Variants in TFDP2 observed in about 807,000 individuals in gnomAD.
TFDP2 encodes transcription factor Dp-2.
A neutral mutation model predicts 59.3 loss-of-function variants in TFDP2; 17 were observed. That is an observed-to-expected ratio of 0.29 (90% CI 0.20 to 0.43). TFDP2 has a LOEUF of 0.43. Ranked by LOEUF, TFDP2 falls within the 20% of genes least tolerant of loss-of-function variation. TFDP2 has a pLI of 1.00. For synonymous variants in TFDP2, 180 were observed against 194.7 expected (o/e 0.92, Z 0.63); for missense variants, 391 against 528.8 (o/e 0.74, Z 2.56).
Position 141,946,268 on chromosome 3 carries a change from C to G in TFDP2, c.*6245G>C, listed in dbSNP as rs146142407. 6.6e-6 allele frequency: 1 copy of G among 152,188 alleles called. No individual in the cohort carries two copies. Among genetic ancestry groups the G allele is most frequent in the Admixed American group, 6.6e-5 (1 of 15,264 alleles). The allele number at this position is 152,188 out of a possible 1,614,324, so 9.4% of individuals were successfully genotyped here. On this transcript the variant is annotated 3_prime_UTR_variant, in exon 13 of 13. Coordinates refer to ENST00000489671, the MANE Select transcript of TFDP2 (RefSeq NM_001178139.2). ...TTATCCCCGATCCTGAGACCTGCGG[C>G]GAAGGGGCGAGGCCTGACCCTGAGC...
intron 3 of TFDP2, among the ~76,000 whole-genome samples, chr3:142,081,806 A>C (rs1256393544): frequency 1.3e-5 from 2 of 152,216 alleles, no homozygotes; most frequent in Admixed American, 1.3e-4. Context: ...GAACAGACCA[A>C]TAACAAGTAA....
chr3:141,953,160 C>T, intron 11 of TFDP2, 144 bp from the exon 12 acceptor site: 1 of 495,620 alleles, frequency 2.0e-6, no homozygotes, highest in Non-Finnish European at 3.4e-6. Flanking sequence ...GACAAGAACC[C>T]AGGTTTCTTC....
chr3:141,967,994 G>T (rs762616185), intron 9 of TFDP2, among the ~76,000 whole-genome samples: 7 of 151,700 alleles, frequency 4.6e-5, no homozygotes, highest in Non-Finnish European at 7.4e-5. Context: ...AATGTTCCAT[G>T]GTTTTGAAGA....
chr3:142,102,782 G>A (rs1198961411), intron 1 of TFDP2, among the ~76,000 whole-genome samples: 2 of 152,194 alleles, frequency 1.3e-5, no homozygotes, highest in Non-Finnish European at 2.9e-5. Flanking sequence ...CATGAATTCT[G>A]AGGTACGTTT....
At chr3:142,012,307 C>T (rs60203764) in intron 3 of TFDP2, among the ~76,000 whole-genome samples, 1 of 152,116 alleles carries the variant, frequency 6.6e-6, no homozygotes, top group Non-Finnish European at 1.5e-5. Context: ...CCACCATGCT[C>T]GGCCTATAAT....
chr3:142,118,971 C>G (rs1270990683), intron 1 of TFDP2, among the ~76,000 whole-genome samples: 1 of 152,050 alleles, frequency 6.6e-6, no homozygotes, highest in East Asian at 1.9e-4. Context: ...CACCAGCTGA[C>G]CAACATGGTG....
chr3:142,050,140 G>A (rs557016852), intron 3 of TFDP2, among the ~76,000 whole-genome samples: 31 of 151,794 alleles, frequency 2.0e-4, no homozygotes, highest in East Asian at 1.7e-3. Flanking sequence ...GGTGGCAAGC[G>A]TCTGTAATCC....
At chr3:142,129,515 C>T (rs759682545) in intron 1 of TFDP2, among the ~76,000 whole-genome samples, 47 of 152,052 alleles carry the variant, frequency 3.1e-4, no homozygotes, top group Non-Finnish European at 6.3e-4. Flanking sequence ...AGTAAAAATG[C>T]TCCCACTGAA....
chr3:142,112,719 C>T (rs1278613726), intron 1 of TFDP2, among the ~76,000 whole-genome samples: 2 of 152,132 alleles, frequency 1.3e-5, no homozygotes, highest in East Asian at 1.9e-4. Context: ...AGAGGTCTTG[C>T]TATATTGCCC....
chr3:141,963,753 A>G (rs1937580984), intron 10 of TFDP2, 59 bp downstream of exon 10: 1 of 1,539,386 alleles, frequency 6.5e-7, no homozygotes, highest in Non-Finnish European at 8.7e-7. Context: ...GAGTTTGCAA[A>G]TGATATGAAA....
chr3:142,133,163 GTAATTA>G (rs1265129947), intron 1 of TFDP2, among the ~76,000 whole-genome samples: 1 of 150,216 alleles, frequency 6.7e-6, no homozygotes, highest in Non-Finnish European at 1.5e-5. Context: ...ATCAAGCTGT[GTAATTA>G]TAATACTATA....
chr3:141,988,669 C>CTTTTTTT (rs540352017), intron 6 of TFDP2, among the ~76,000 whole-genome samples: 53 of 125,652 alleles, frequency 4.2e-4, no homozygotes, highest in East Asian at 1.2e-3. Context: ...CTTTTCTTTT[C>CTTTTTTT]TTTTTTTTTT....
chr3:141,995,884 A>C lies in TFDP2; in HGVS notation c.187-743T>G, dbSNP rs13064855. 9.5e-4 allele frequency among the ~76,000 whole-genome samples: 69 copies of C among 72,824 alleles called. 1 individual carries two copies. Among genetic ancestry groups the C allele is most frequent in the Non-Finnish European group, 1.3e-3 (45 of 34,014 alleles). The allele number at this position is 72,824 out of a possible 152,430, so 47.8% of individuals were successfully genotyped here. A position where few individuals can be genotyped will look rare whatever the true frequency, so the allele number is the denominator to read the frequency against. ...GGCAAAAAGAGCAAAACTCCATTTCAAAAAAAAAAAAAAAAAAAAAAAAGA... is the reference window on the plus strand; with the variant it reads ...GGCAAAAAGAGCAAAACTCCATTTCCAAAAAAAAAAAAAAAAAAAAAAAGA... On this transcript the variant is annotated intron_variant, in intron 4 of 12. Transcript: ENST00000489671.
chr3:142,100,424 G>A (rs1576983303), intron 2 of TFDP2, among the ~76,000 whole-genome samples: 1 of 152,106 alleles, frequency 6.6e-6, no homozygotes, highest in African/African-American at 2.4e-5. Flanking sequence ...CCAGGCTGGA[G>A]TGCAATGGGG....
chr3:142,077,400 C>T (rs2060496040), intron 3 of TFDP2, among the ~76,000 whole-genome samples: 1 of 152,116 alleles, frequency 6.6e-6, no homozygotes, highest in Non-Finnish European at 1.5e-5. Flanking sequence ...GGCTGCACAG[C>T]TCCAACCTGA....
chr3:141,994,200 T>C (rs1352226219), intron 5 of TFDP2: 1 of 152,238 alleles, frequency 6.6e-6, no homozygotes, highest in Admixed American at 6.5e-5. Flanking sequence ...TATTTATGTA[T>C]ATTAATATGT....
At chr3:141,968,297 T>TATATAATATATATAACTATATATAAC (rs1938485530) in intron 9 of TFDP2, among the ~76,000 whole-genome samples, 1 of 129,066 alleles carries the variant, frequency 7.7e-6, no homozygotes, top group African/African-American at 3.0e-5. Flanking sequence ...ATATATATAA[T>TATATAATATATATAACTATATATAAC]ATATAATATA....
chr3:142,076,832 G>A (rs921073097), intron 3 of TFDP2, among the ~76,000 whole-genome samples: 2 of 151,958 alleles, frequency 1.3e-5, no homozygotes, highest in South Asian at 2.1e-4. Context: ...TCCATTTACA[G>A]GAACACCAAA....
At chr3:142,007,964 G>A (rs543468863) in intron 3 of TFDP2, among the ~76,000 whole-genome samples, 5 of 152,204 alleles carry the variant, frequency 3.3e-5, no homozygotes, top group Admixed American at 2.6e-4. Context: ...AACAGGCCAC[G>A]GACTGGTACC....
Sources: gnomAD v4.1 joint callset for allele counts (sites outside exome capture counted in the v4.1 genomes callset) on GRCh38, gnomAD v4.1.1 for gene constraint, MANE v1.5 for transcripts, NCBI Gene and HGNC (gene_info 2026-07-23, HGNC 2026-07-21) for gene names.